Variants in CRPPA observed in about 807,000 individuals in gnomAD.
CRPPA encodes the protein D-ribitol-5-phosphate cytidylyltransferase.
In CRPPA, 43 loss-of-function variants were observed where a neutral mutation model predicts 52.0. The ratio of observed to expected loss-of-function variants is 0.83; its 90% CI spans 0.65 to 1.07. CRPPA has a LOEUF of 1.07. Ranked by LOEUF, CRPPA falls within the 50% of genes least tolerant of loss-of-function variation. The probability of loss-of-function intolerance (pLI) is 0.00; values close to 1 mark genes in which losing one functional copy is unlikely to be tolerated. For synonymous variants in CRPPA, 250 were observed against 203.5 expected (o/e 1.23, Z -1.94); for missense variants, 629 against 551.7 (o/e 1.14, Z -1.40).
At chr7:16,299,176 A>G (rs944498475) in intron 5 of CRPPA, among the ~76,000 whole-genome samples, 2 of 152,148 alleles carry the variant, frequency 1.3e-5, no homozygotes, top group African/African-American at 2.4e-5. Flanking sequence ...GCTATATACT[A>G]TATTACACTT....
rs577748248 is a variant in CRPPA at position 16,375,817 on chromosome 7, G to A, written c.684+275C>T. Among the ~76,000 whole-genome samples the A allele has an allele frequency of 5.1e-4, 78 of 152,282 alleles. 1 individual carries two copies. Among genetic ancestry groups the A allele is most frequent in the African/African-American group, 1.8e-3 (75 of 41,566 alleles). ...GCATAAATGTCACACACAATTTGCT[G>A]AATTTTCACTGCTGGAAGGAAGGTG... On this transcript the variant is annotated intron_variant, in intron 3 of 9. Transcript: ENST00000407010.
At chr7:16,180,395 T>A (rs770485973) in intron 9 of CRPPA, among the ~76,000 whole-genome samples, 1 of 152,092 alleles carries the variant, frequency 6.6e-6, no homozygotes, top group Non-Finnish European at 1.5e-5. Flanking sequence ...AGTCAAAATG[T>A]TAAGTTATAA....
chr7:16,255,030 A>G (rs900881982), intron 8 of CRPPA, among the ~76,000 whole-genome samples: 6 of 152,274 alleles, frequency 3.9e-5, no homozygotes, highest in East Asian at 1.9e-4. Flanking sequence ...ATGATTGTAT[A>G]TTTAGAAAAC....
At chr7:16,264,581 C>T (rs1314348635) in intron 6 of CRPPA, among the ~76,000 whole-genome samples, 1 of 152,148 alleles carries the variant, frequency 6.6e-6, no homozygotes, top group East Asian at 1.9e-4. Context: ...GGTTCAATTC[C>T]CATGAGTCAG....
At chr7:16,285,114 A>C (rs904679605) in intron 5 of CRPPA, among the ~76,000 whole-genome samples, 1 of 152,204 alleles carries the variant, frequency 6.6e-6, no homozygotes, top group Non-Finnish European at 1.5e-5. Flanking sequence ...GGTTAATGAA[A>C]TCAAAACAAA....
chr7:16,309,576 C>T lies in CRPPA; in HGVS notation c.685-949G>A, dbSNP rs112218480. Among the ~76,000 whole-genome samples, 1,168 of 152,078 alleles carry T rather than the reference C, an allele frequency of 7.7e-3. 20 individuals are homozygous for T. The highest frequency in any genetic ancestry group is 0.027 in the African/African-American group (1,137 of 41,500). ...AATCAAAAGGTGCTTTGCAAAGTTA[C>T]GGAGGTTTGAGACATTTGGTAGACT... On this transcript the variant is annotated intron_variant, in intron 3 of 9. Coordinates refer to ENST00000407010, the MANE Select transcript of CRPPA (RefSeq NM_001101426.4).
intron 8 of CRPPA, among the ~76,000 whole-genome samples, chr7:16,255,366 C>G (rs11773720): frequency 6.6e-6 from 1 of 152,038 alleles, no homozygotes; most frequent in Non-Finnish European, 1.5e-5. Context: ...GCCATGCTGC[C>G]CAAAGTAATT....
rs558559256 is a variant in CRPPA, at chr7:16,397,019, CAT to C, written c.534+9040_534+9041del. Among the ~76,000 whole-genome samples the C allele has an allele frequency of 5.5e-3, 843 of 152,114 alleles. 10 individuals carry two copies. The highest frequency in any genetic ancestry group is 0.019 in the African/African-American group (778 of 41,500). On this transcript the variant is annotated intron_variant, in intron 2 of 9. Transcript: ENST00000407010. ...TGACATGGAACTGACACGTGTGAAA[CAT>C]GTGCCAGAACAAATGTGTAACACAT...
At chr7:16,203,673 AG>A (rs1250176055) in intron 9 of CRPPA, among the ~76,000 whole-genome samples, 1 of 152,148 alleles carries the variant, frequency 6.6e-6, no homozygotes, top group African/African-American at 2.4e-5. Flanking sequence ...GGTTTGACAA[AG>A]CCTGAAGCCA....
At chr7:16,300,333 C>T (rs1466002153) in intron 5 of CRPPA, among the ~76,000 whole-genome samples, 1 of 152,150 alleles carries the variant, frequency 6.6e-6, no homozygotes, top group Non-Finnish European at 1.5e-5. Context: ...AGGTTCAGTA[C>T]ATTTTTCTAC....
At chr7:16,319,551 G>C (rs1296277117) in intron 3 of CRPPA, among the ~76,000 whole-genome samples, 1 of 152,104 alleles carries the variant, frequency 6.6e-6, no homozygotes, top group Non-Finnish European at 1.5e-5. Context: ...GAGTGATTGG[G>C]TTAAGGTGTT....
chr7:16,369,766 T>C (rs1786700291), intron 3 of CRPPA, among the ~76,000 whole-genome samples: 1 of 151,400 alleles, frequency 6.6e-6, no homozygotes, highest in Non-Finnish European at 1.5e-5. Flanking sequence ...CACATTGTGA[T>C]TTTTTTTTCC....
intron 8 of CRPPA, among the ~76,000 whole-genome samples, chr7:16,244,423 T>C (rs1040740363): frequency 6.6e-6 from 1 of 152,154 alleles, no homozygotes; most frequent in African/African-American, 2.4e-5. Flanking sequence ...AGAAATAATA[T>C]AGATGAGGTT....
chr7:16,414,111 T>C (rs1012681478), intron 1 of CRPPA, among the ~76,000 whole-genome samples: 12 of 152,060 alleles, frequency 7.9e-5, no homozygotes, highest in Admixed American at 6.6e-4. Flanking sequence ...TGAAACCATC[T>C]AAAGGAAAGT....
intron 3 of CRPPA, among the ~76,000 whole-genome samples, chr7:16,340,985 A>G (rs1464983087): frequency 6.6e-6 from 1 of 152,184 alleles, no homozygotes; most frequent in Non-Finnish European, 1.5e-5. Context: ...TTACTGAGTG[A>G]AAGCATCCAA....
intron 9 of CRPPA, among the ~76,000 whole-genome samples, chr7:16,139,249 T>A (rs17287882): frequency 0.3 from 44,935 of 152,054 alleles, 7,919 homozygotes; most frequent in Admixed American, 0.4. Context: ...CATTGTGACT[T>A]TGGGCAAATC....
At position 16,192,613 on chromosome 7, in the gene CRPPA, G is replaced by A. The variant is rs1401097889; in HGVS notation, c.1251+23453C>T. 3.9e-5 allele frequency among the ~76,000 whole-genome samples: 6 copies of A among 152,026 alleles called. No individual in the cohort carries two copies. In the South Asian group the frequency reaches 1.2e-3, roughly 31 times the overall value. ...TTTTGCCTGTTCTAGAACTTCAAAGGAATAATACAAATCTTTCTTAAATGG... is the reference window on the plus strand; with the variant it reads ...TTTTGCCTGTTCTAGAACTTCAAAGAAATAATACAAATCTTTCTTAAATGG... On this transcript the variant is annotated intron_variant, in intron 9 of 9. Transcript: ENST00000407010.
chr7:16,341,951 C>T (rs559368501), intron 3 of CRPPA, among the ~76,000 whole-genome samples: 2 of 152,210 alleles, frequency 1.3e-5, no homozygotes, highest in East Asian at 3.9e-4. Context: ...CTCTTTGCTC[C>T]CCACTGTGGA....
intron 8 of CRPPA, among the ~76,000 whole-genome samples, chr7:16,250,496 G>T (rs1783416906): frequency 6.6e-6 from 1 of 152,172 alleles, no homozygotes; most frequent in Non-Finnish European, 1.5e-5. Flanking sequence ...TACCCACAAA[G>T]GGAAGCCCAT....
Sources: allele counts gnomAD v4.1 joint callset (sites outside exome capture counted in the v4.1 genomes callset), GRCh38; gene constraint gnomAD v4.1.1; transcripts MANE v1.5; gene names NCBI Gene and HGNC (gene_info 2026-07-23, HGNC 2026-07-21).